The following ALK variants were observed in gnomAD, a reference collection of about 807,000 sequenced individuals.
The protein encoded by ALK is ALK receptor tyrosine kinase.
ALK carries 74 observed loss-of-function variants against 163.1 expected under a neutral mutation model. The observed-to-expected ratio is 0.45, with a 90% CI of 0.38 to 0.55. The LOEUF (loss-of-function observed/expected upper bound fraction) is 0.55, where lower values mean the gene tolerates loss of function less well. Ranked by LOEUF, ALK falls within the 20% of genes least tolerant of loss-of-function variation. ALK has a pLI of 0.00. For missense variants in ALK, 2,063 were observed against 2,105.3 expected (o/e 0.98, Z 0.39); for synonymous variants, 960 against 843.2 (o/e 1.14, Z -2.40).
intron 4 of ALK, among the ~76,000 whole-genome samples, chr2:29,468,685 CA>C (rs1214182155): frequency 6.6e-6 from 1 of 150,404 alleles, no homozygotes; most frequent in Non-Finnish European, 1.5e-5. Context: ...CCTTTCTCTA[CA>C]AAAAATTTGA....
intron 3 of ALK, among the ~76,000 whole-genome samples, chr2:29,672,892 C>T (rs2148271975): frequency 7.7e-6 from 1 of 129,904 alleles, no homozygotes; most frequent in South Asian, 2.9e-4. Flanking sequence ...GATGGTATCT[C>T]ATTGTGGTTT....
chr2:29,202,272 C>T (rs1669200919), intron 26 of ALK, among the ~76,000 whole-genome samples: 1 of 152,216 alleles, frequency 6.6e-6, no homozygotes, highest in Non-Finnish European at 1.5e-5. Context: ...CGGTAAGGAG[C>T]TTCCCCCCGC....
At chr2:29,454,165 G>A (rs558321599) in intron 4 of ALK, among the ~76,000 whole-genome samples, 3 of 152,066 alleles carry the variant, frequency 2.0e-5, no homozygotes, top group Non-Finnish European at 2.9e-5. Context: ...CCCATTCTTG[G>A]ATGACCTATA....
intron 5 of ALK, among the ~76,000 whole-genome samples, chr2:29,349,138 C>A (rs563657463): frequency 1.3e-5 from 2 of 152,298 alleles, no homozygotes; most frequent in South Asian, 4.2e-4. Context: ...AGTCCCCACT[C>A]CAGCTGAAAG....
intron 22 of ALK, chr2:29,221,259 A>T (rs752621020): frequency 2.9e-4 from 151 of 525,960 alleles, no homozygotes; most frequent in Non-Finnish European, 5.4e-4. Context: ...TTGCCAAGTG[A>T]CAGCGTGTGA....
intron 5 of ALK, among the ~76,000 whole-genome samples, chr2:29,329,325 G>A (rs1667369601): frequency 6.6e-6 from 1 of 152,320 alleles, no homozygotes; most frequent in Non-Finnish European, 1.5e-5. Flanking sequence ...GAGAAGGCTG[G>A]TCTGGCTTAG....
intron 3 of ALK, among the ~76,000 whole-genome samples, chr2:29,562,915 G>A (rs12473275): frequency 0.15 from 22,591 of 152,106 alleles, 1,900 homozygotes; most frequent in East Asian, 0.27. Flanking sequence ...CTTCTATTTG[G>A]GGAAATGATT....
At chr2:29,680,429 T>G (rs898400587) in intron 3 of ALK, among the ~76,000 whole-genome samples, 2 of 152,170 alleles carry the variant, frequency 1.3e-5, no homozygotes, top group African/African-American at 4.8e-5. Flanking sequence ...CTTCACATTT[T>G]AAAATTTCTT....
chr2:29,229,956 A>G (rs1228534170), intron 15 of ALK, among the ~76,000 whole-genome samples: 1 of 152,220 alleles, frequency 6.6e-6, no homozygotes, highest in Non-Finnish European at 1.5e-5. Context: ...GAAGCTATCT[A>G]CAGAGCCGAG....
At chr2:29,738,696 T>C (rs1490429212) in intron 1 of ALK, among the ~76,000 whole-genome samples, 1 of 152,058 alleles carries the variant, frequency 6.6e-6, no homozygotes, top group Non-Finnish European at 1.5e-5. Context: ...TTACCCTCTA[T>C]AGAGACTGAA....
chr2:29,564,323 A>C lies in ALK; in HGVS notation c.953-32207T>G, dbSNP rs1373320753. ...TTCTTACCCAACTATCCTAACTATC[A>C]AAATCAAAACAAAATCAAATAATCA... On this transcript the variant is annotated intron_variant, in intron 3 of 28. Transcript: ENST00000389048. Among the ~76,000 whole-genome samples the C allele has an allele frequency of 2.0e-5, 3 of 152,192 alleles. No homozygotes were observed. In the East Asian group the frequency reaches 5.8e-4, roughly 29 times the overall value.
chr2:29,228,958 C>T lies in ALK; in HGVS notation c.2741G>A (p.Gly914Glu), dbSNP rs1358074797. The T allele has an allele frequency of 2.5e-6, 4 of 1,599,602 alleles. 1 individual carries two copies. The highest frequency in any genetic ancestry group is 2.2e-5 in the South Asian group (2 of 90,608). Residue 914 changes from glycine (G) to glutamate (E), a missense_variant, in exon 16 of 29, where the codon GGG becomes GAG. Physicochemically the swap from Gly to Glu is moderately conservative, Grantham distance 98. Coordinates refer to ENST00000389048, the MANE Select transcript of ALK (RefSeq NM_004304.5). ...HSCPQAMKKW[G>E]WETRGGFGGG... ...TCCGAAACCCCCTCTTGTCTCCCAC[C>T]CCCACTTCTTCATGGCCTGGGGGCA...
chr2:29,709,402 A>C (rs772115503), intron 2 of ALK, among the ~76,000 whole-genome samples: 23 of 152,184 alleles, frequency 1.5e-4, no homozygotes, highest in Admixed American at 1.1e-3. Context: ...GGGAGACCTC[A>C]GTTTGCTCCT....
chr2:29,656,490 A>G lies in ALK; in HGVS notation c.952+38360T>C, dbSNP rs1573532425. On this transcript the variant is annotated intron_variant, in intron 3 of 28. Coordinates refer to ENST00000389048, the MANE Select transcript of ALK (RefSeq NM_004304.5). Reference sequence around the variant, plus strand: ...ATTGAAAGCAAATGCTAATATCTCAATTCCTAGCTAAGGTAATAGTGCTAG... The same window carrying G: ...ATTGAAAGCAAATGCTAATATCTCAGTTCCTAGCTAAGGTAATAGTGCTAG... 2.0e-5 allele frequency among the ~76,000 whole-genome samples: 3 copies of G among 152,232 alleles called. No homozygotes were observed. In the South Asian group the frequency reaches 6.2e-4, roughly 32 times the overall value.
At position 29,335,225 on chromosome 2, in the gene ALK, C is replaced by T. The variant is rs77128146; in HGVS notation, c.1283-6744G>A. On this transcript the variant is annotated intron_variant, in intron 5 of 28. Coordinates refer to ENST00000389048, the MANE Select transcript of ALK (RefSeq NM_004304.5). Reference sequence around the variant, plus strand: ...GAGATCAAGCCACTCTGGGAAGAGTCGGTGCTTGGGGATCTTTTATTAGTG... The same window carrying T: ...GAGATCAAGCCACTCTGGGAAGAGTTGGTGCTTGGGGATCTTTTATTAGTG... 4.7e-3 allele frequency among the ~76,000 whole-genome samples: 723 copies of T among 152,252 alleles called. 7 individuals are homozygous for T. The highest frequency in any genetic ancestry group is 0.017 in the African/African-American group (699 of 41,552).
chr2:29,329,177 A>G (rs1224675006), intron 5 of ALK, among the ~76,000 whole-genome samples: 1 of 152,092 alleles, frequency 6.6e-6, no homozygotes, highest in Non-Finnish European at 1.5e-5. Context: ...TTTTATCCAG[A>G]GGGGGAAGGG....
At chr2:29,826,440 A>G (rs1405545106) in intron 1 of ALK, among the ~76,000 whole-genome samples, 14 of 150,976 alleles carry the variant, frequency 9.3e-5, no homozygotes, top group Middle Eastern at 3.2e-3. Context: ...CAGCATCACC[A>G]GTTGATTTAA....
Position 29,567,392 on chromosome 2 carries a change from G to A in ALK, c.953-35276C>T, listed in dbSNP as rs189433192. On this transcript the variant is annotated intron_variant, in intron 3 of 28. Transcript: ENST00000389048. ...CAGTGTTTTCCATCTCATTCCAGTC[G>A]CTCATAAATGGGCAGGGGTCAAGTC... Among the ~76,000 whole-genome samples the A allele has an allele frequency of 8.9e-4, 136 of 152,260 alleles. 1 individual carries two copies. Among genetic ancestry groups the A allele is most frequent in the East Asian group, 1.2e-3 (6 of 5,180 alleles).
intron 26 of ALK, among the ~76,000 whole-genome samples, chr2:29,199,114 T>G (rs1361754926): frequency 1.3e-5 from 2 of 151,954 alleles, no homozygotes; most frequent in Admixed American, 6.6e-5. Flanking sequence ...CCACAACACC[T>G]GGCTAATTTT....
Sources: allele counts gnomAD v4.1 joint callset (sites outside exome capture counted in the v4.1 genomes callset), GRCh38; gene constraint gnomAD v4.1.1; transcripts MANE v1.5; gene names NCBI Gene and HGNC (gene_info 2026-07-23, HGNC 2026-07-21).